The following IQCK variants were observed in gnomAD, a reference collection of about 807,000 sequenced individuals.
The protein encoded by IQCK is IQ domain-containing protein K.
A neutral mutation model predicts 28.1 loss-of-function variants in IQCK; 29 were observed. The ratio of observed to expected loss-of-function variants is 1.03; its 90% CI spans 0.77 to 1.41. IQCK has a LOEUF of 1.41. Ranked by LOEUF, IQCK falls within the 40% of genes most tolerant of loss-of-function variation. The pLI is 0.00. For synonymous variants in IQCK, 113 were observed against 115.1 expected, an observed-to-expected ratio of 0.98 and a Z score of 0.12; for missense variants, 359 against 314.7, an observed-to-expected ratio of 1.14 and a Z score of -1.07.
intron 3 of IQCK, chr16:19,734,143 G>T: frequency 4.8e-6 from 1 of 209,190 alleles, no homozygotes; most frequent in Non-Finnish European, 9.5e-6. Context: ...GAGAGACCAA[G>T]GCAGGAGGAT....
intron 1 of IQCK, among the ~76,000 whole-genome samples, chr16:19,719,147 A>G (rs1406476773): frequency 2.0e-5 from 3 of 152,150 alleles, no homozygotes; most frequent in African/African-American, 7.2e-5. Context: ...CGATGGTGTT[A>G]AGAAGATGGA....
intron 6 of IQCK, among the ~76,000 whole-genome samples, chr16:19,782,603 G>T (rs2055502878): frequency 6.6e-6 from 1 of 152,054 alleles, no homozygotes; most frequent in African/African-American, 2.4e-5. Flanking sequence ...ACTGCAGCCT[G>T]GGTGACAGAG....
intron 7 of IQCK, among the ~76,000 whole-genome samples, chr16:19,793,581 A>G (rs909942218): frequency 6.3e-5 from 7 of 110,946 alleles, no homozygotes; most frequent in African/African-American, 3.0e-4. Context: ...TATTGTTAAG[A>G]TAACAGTACT....
intron 7 of IQCK, among the ~76,000 whole-genome samples, chr16:19,811,693 T>G (rs1248171128): frequency 6.6e-6 from 1 of 152,224 alleles, no homozygotes; most frequent in African/African-American, 2.4e-5. Context: ...TTTGTGGATT[T>G]GAAATAATCA....
chr16:19,834,442 G>A (rs2141102218), intron 9 of IQCK, among the ~76,000 whole-genome samples: 1 of 152,324 alleles, frequency 6.6e-6, no homozygotes, highest in Middle Eastern at 3.4e-3. Context: ...ATGCTGTTCT[G>A]TAACCCAAGT....
chr16:19,810,584 G>A (rs919297929), intron 7 of IQCK, among the ~76,000 whole-genome samples: 48 of 151,750 alleles, frequency 3.2e-4, no homozygotes, highest in Middle Eastern at 3.2e-3. Context: ...AGGCCAAGGC[G>A]GGCGGATCAC....
At chr16:19,733,946 G>A in intron 3 of IQCK, 119 bp downstream of exon 3, 1 of 899,762 alleles carries the variant, frequency 1.1e-6, no homozygotes, top group South Asian at 2.1e-5. Context: ...GAAAGAATGT[G>A]TTCTTGTTTT....
chr16:19,823,079 G>T (rs2056098019), intron 7 of IQCK, among the ~76,000 whole-genome samples: 2 of 152,146 alleles, frequency 1.3e-5, no homozygotes, highest in South Asian at 4.1e-4. Context: ...GACTGTGTTT[G>T]TGTCCTAAGA....
At chr16:19,737,699 C>T (rs1432435895) in intron 4 of IQCK, among the ~76,000 whole-genome samples, 1 of 152,062 alleles carries the variant, frequency 6.6e-6, no homozygotes, top group Non-Finnish European at 1.5e-5. Flanking sequence ...TTCATGTGTT[C>T]ATTGGTTCCT....
At chr16:19,763,817 G>T in intron 4 of IQCK, 31 bp from the exon 5 acceptor site, 1 of 1,552,420 alleles carries the variant, frequency 6.4e-7, no homozygotes, top group Non-Finnish European at 8.9e-7. Context: ...TTAAGGGTCA[G>T]TTGTAATTTA....
At chr16:19,837,185 G>A (rs960658563) in intron 9 of IQCK, among the ~76,000 whole-genome samples, 2 of 152,052 alleles carry the variant, frequency 1.3e-5, no homozygotes, top group Non-Finnish European at 2.9e-5. Flanking sequence ...AGGATCACTC[G>A]AGAGCCCAGG....
rs117085136 is a variant in IQCK at position 19,734,712 on chromosome 16, T to C, written c.377-641T>C. Among the ~76,000 whole-genome samples the C allele has an allele frequency of 2.3e-3, 336 of 144,656 alleles. 5 individuals carry two copies. The East Asian group carries it at 0.047, about 20-fold the overall frequency. The allele number at this position is 144,656 out of a possible 152,430, so 94.9% of individuals were successfully genotyped here. On this transcript the variant is annotated intron_variant, in intron 3 of 7. Transcript: ENST00000564186. ...GGGAAGATTGCTTGAGCCTGAGAGG[T>C]CCAGGATGCAGTGAGCTATGATTGT... is the stretch of plus-strand genomic sequence containing the variant.
chr16:19,836,348 G>A (rs983380015), intron 9 of IQCK, among the ~76,000 whole-genome samples: 1 of 152,140 alleles, frequency 6.6e-6, no homozygotes, highest in African/African-American at 2.4e-5. Flanking sequence ...GGGGATGTTT[G>A]GATGACATCA....
At chr16:19,753,247 CAAAAA>C (rs562470295) in intron 4 of IQCK, among the ~76,000 whole-genome samples, 1 of 122,606 alleles carries the variant, frequency 8.2e-6, no homozygotes, top group Non-Finnish European at 1.8e-5. Context: ...CCTATCTCTA[CAAAAA>C]AAAAAAAAAA....
intron 9 of IQCK, among the ~76,000 whole-genome samples, chr16:19,849,722 A>G (rs1401552755): frequency 6.6e-6 from 1 of 151,794 alleles, no homozygotes; most frequent in Non-Finnish European, 1.5e-5. Flanking sequence ...TGATTGCACC[A>G]TGTACTTCAG....
chr16:19,852,843 T>C (rs1046614067), intron 9 of IQCK, among the ~76,000 whole-genome samples: 1 of 151,978 alleles, frequency 6.6e-6, no homozygotes, highest in Non-Finnish European at 1.5e-5. Flanking sequence ...AGGATGGTCT[T>C]GATCTCCTGA....
At chr16:19,808,763 T>C (rs2055863668) in intron 7 of IQCK, among the ~76,000 whole-genome samples, 1 of 152,222 alleles carries the variant, frequency 6.6e-6, no homozygotes, top group South Asian at 2.1e-4. Flanking sequence ...ATGAGTCCTG[T>C]GCAGTTGCAC....
At chr16:19,839,018 CAAAA>C (rs71146274) in intron 9 of IQCK, among the ~76,000 whole-genome samples, 13 of 42,584 alleles carry the variant, frequency 3.1e-4, no homozygotes, top group South Asian at 1.9e-3. Flanking sequence ...GACTCCATAG[CAAAA>C]AAAAAAAAAA....
intron 7 of IQCK, among the ~76,000 whole-genome samples, chr16:19,805,044 AG>A (rs2151742105): frequency 6.6e-6 from 1 of 151,968 alleles, no homozygotes; most frequent in East Asian, 1.9e-4. Context: ...TGTTCCAGGA[AG>A]GGGGGTGGGG....
Sources: gnomAD v4.1 joint callset for allele counts (sites outside exome capture counted in the v4.1 genomes callset) on GRCh38, gnomAD v4.1.1 for gene constraint, MANE v1.5 for transcripts, NCBI Gene and HGNC (gene_info 2026-07-23, HGNC 2026-07-21) for gene names.